The following GRM8 variants were observed in gnomAD, a reference collection of about 807,000 sequenced individuals.
GRM8 encodes the protein metabotropic glutamate receptor 8.
GRM8 carries 47 observed loss-of-function variants against 87.2 expected under a neutral mutation model. The observed-to-expected ratio is 0.54, with a 90% CI of 0.43 to 0.69. The LOEUF is 0.69. Ranked by LOEUF, GRM8 falls within the 30% of genes least tolerant of loss-of-function variation. The pLI, the probability that GRM8 is intolerant of heterozygous loss-of-function variation, is 0.00. For synonymous variants in GRM8, 396 were observed against 404.5 expected (o/e 0.98, Z 0.25); for missense variants, 1,019 against 1,139.2 (o/e 0.89, Z 1.52).
At chr7:127,000,592 G>C (rs977848584) in intron 3 of GRM8, among the ~76,000 whole-genome samples, 1 of 151,570 alleles carries the variant, frequency 6.6e-6, no homozygotes, top group African/African-American at 2.4e-5. Flanking sequence ...TACGCCAGAT[G>C]CAAAAAGAAA....
At chr7:127,085,180 T>C (rs937956100) in intron 3 of GRM8, among the ~76,000 whole-genome samples, 4 of 152,222 alleles carry the variant, frequency 2.6e-5, no homozygotes, top group Non-Finnish European at 4.4e-5. Flanking sequence ...CCATGGTGTA[T>C]ATGTGCCACA....
intron 9 of GRM8, among the ~76,000 whole-genome samples, chr7:126,524,049 A>G (rs555490277): frequency 9.2e-5 from 14 of 152,276 alleles, no homozygotes; most frequent in Non-Finnish European, 1.3e-4. Flanking sequence ...GCATAACTGG[A>G]CTTGCAGAAA....
At chr7:126,545,418 ATTGAG>A (rs1303418346) in intron 8 of GRM8, among the ~76,000 whole-genome samples, 7 of 152,312 alleles carry the variant, frequency 4.6e-5, no homozygotes, top group African/African-American at 1.7e-4. Context: ...AATTGAAGCC[ATTGAG>A]TTATGTTTTT....
intron 9 of GRM8, among the ~76,000 whole-genome samples, chr7:126,487,993 T>C (rs1807570599): frequency 6.6e-6 from 1 of 152,010 alleles, no homozygotes; most frequent in African/African-American, 2.4e-5. Context: ...TGGCATTCCA[T>C]GAAAAAAGCA....
At chr7:126,588,530 A>G (rs1204746330) in intron 8 of GRM8, among the ~76,000 whole-genome samples, 1 of 152,180 alleles carries the variant, frequency 6.6e-6, no homozygotes, top group Non-Finnish European at 1.5e-5. Flanking sequence ...CTATTCACAA[A>G]AGCAAAGACG....
intron 9 of GRM8, among the ~76,000 whole-genome samples, chr7:126,451,735 T>C (rs1371685318): frequency 6.6e-6 from 1 of 151,712 alleles, no homozygotes; most frequent in Non-Finnish European, 1.5e-5. Flanking sequence ...TCTTGGAACA[T>C]ACCAGGCATG....
At chr7:126,609,191 G>A (rs918553667) in intron 8 of GRM8, among the ~76,000 whole-genome samples, 171 bp downstream of exon 8, 2 of 151,226 alleles carry the variant, frequency 1.3e-5, no homozygotes, top group Middle Eastern at 3.2e-3. Flanking sequence ...TTTCTCTAAA[G>A]AGGCTGAAGA....
At chr7:126,485,376 G>A (rs1368147775) in intron 9 of GRM8, among the ~76,000 whole-genome samples, 4 of 151,668 alleles carry the variant, frequency 2.6e-5, no homozygotes, top group Admixed American at 1.3e-4. Context: ...AAGGGGGTGG[G>A]GGGCATGAAA....
intron 7 of GRM8, among the ~76,000 whole-genome samples, chr7:126,763,975 A>G (rs138869104): frequency 7.8e-4 from 118 of 152,018 alleles, no homozygotes; most frequent in African/African-American, 2.8e-3. Context: ...AAAATATTTT[A>G]AATAATTTTT....
At chr7:127,052,304 A>G (rs1819571767) in intron 3 of GRM8, among the ~76,000 whole-genome samples, 1 of 152,114 alleles carries the variant, frequency 6.6e-6, no homozygotes, top group South Asian at 2.1e-4. Flanking sequence ...GCTCAAATAG[A>G]AATACTCTTA....
chr7:127,202,025 A>T (rs1795640211), intron 2 of GRM8, among the ~76,000 whole-genome samples: 1 of 152,202 alleles, frequency 6.6e-6, no homozygotes, highest in Non-Finnish European at 1.5e-5. Flanking sequence ...AGAAGCCAAA[A>T]TTCACTGCTG....
chr7:126,904,280 C>T (rs1802459477), intron 4 of GRM8, among the ~76,000 whole-genome samples, 154 bp from the exon 5 acceptor site: 1 of 152,124 alleles, frequency 6.6e-6, no homozygotes, highest in African/African-American at 2.4e-5. Context: ...CTTATCATCT[C>T]CTAAAAACAA....
chr7:127,101,096 G>A (rs141703290), intron 3 of GRM8, among the ~76,000 whole-genome samples: 1 of 152,052 alleles, frequency 6.6e-6, no homozygotes, highest in Non-Finnish European at 1.5e-5. Flanking sequence ...TAGTTGCCCA[G>A]GTATGCAATT....
chr7:126,604,282 C>T (rs1032364075), intron 8 of GRM8, among the ~76,000 whole-genome samples: 5 of 152,028 alleles, frequency 3.3e-5, no homozygotes, highest in Admixed American at 6.6e-5. Flanking sequence ...ACAGAGGCTA[C>T]TTTTTTAAAT....
chr7:126,859,460 A>C (rs183535450), intron 6 of GRM8, among the ~76,000 whole-genome samples: 9 of 152,100 alleles, frequency 5.9e-5, no homozygotes, highest in Admixed American at 5.9e-4. Flanking sequence ...AGGAACAAGA[A>C]GTTTTTGTGT....
In GRM8 at chr7:126,533,221, T is replaced by C. The variant is rs1815137089; in HGVS notation, c.2161A>G (p.Ile721Val). Residue 721 changes from isoleucine (I) to valine (V), a missense_variant, in exon 9 of 11, where the codon ATC becomes GTC. Transcript: ENST00000339582. ...FVWFVVDPPH[I>V]IIDYGEQRTL... ...CGCTGCTCTCCATAGTCAATGATGATGTGGGGGGGATCCACAACAAACCAG... is the reference window on the plus strand; with the variant it reads ...CGCTGCTCTCCATAGTCAATGATGACGTGGGGGGGATCCACAACAAACCAG... The C allele has an allele frequency of 6.2e-7, 1 of 1,613,188 alleles. No individual in the cohort carries two copies. The highest frequency in any genetic ancestry group is 1.3e-5 in the African/African-American group (1 of 74,716).
chr7:126,558,667 T>G (rs1214236368), intron 8 of GRM8, among the ~76,000 whole-genome samples: 1 of 152,126 alleles, frequency 6.6e-6, no homozygotes, highest in Non-Finnish European at 1.5e-5. Flanking sequence ...TAGGGAATAA[T>G]GATGAGAAAA....
intron 9 of GRM8, among the ~76,000 whole-genome samples, chr7:126,493,546 T>C (rs919554011): frequency 2.0e-5 from 3 of 152,048 alleles, no homozygotes; most frequent in Admixed American, 6.6e-5. Context: ...GAAAATTCTA[T>C]GGCAACCACT....
chr7:127,080,156 G>T (rs1822705117), intron 3 of GRM8, among the ~76,000 whole-genome samples: 1 of 152,168 alleles, frequency 6.6e-6, no homozygotes. Flanking sequence ...AAATTGGGAA[G>T]GGGGAGGCAG....
Sources: allele counts gnomAD v4.1 joint callset (sites outside exome capture counted in the v4.1 genomes callset), GRCh38; gene constraint gnomAD v4.1.1; transcripts MANE v1.5; gene names NCBI Gene and HGNC (gene_info 2026-07-23, HGNC 2026-07-21).